ASAP2: variants seen among roughly 807,000 people sequenced by gnomAD.
ASAP2 encodes arf-GAP with SH3 domain, ANK repeat and PH domain-containing protein 2.
Under a neutral mutation model 131.4 loss-of-function variants are expected in ASAP2, and 45 were observed. The observed-to-expected ratio is 0.34, with a 90% CI of 0.27 to 0.44. ASAP2 has a LOEUF of 0.44. Among genes scored for constraint, ASAP2 ranks in the 20% least tolerant of loss-of-function variants. The pLI is 1.00. For missense variants in ASAP2, 1,011 were observed against 1,297.0 expected (o/e 0.78, Z 3.39); for synonymous variants, 510 against 503.0 (o/e 1.01, Z -0.19).
At chr2:9,234,803 C>G (rs1232293120) in intron 1 of ASAP2, among the ~76,000 whole-genome samples, 3 of 152,172 alleles carry the variant, frequency 2.0e-5, no homozygotes, top group Non-Finnish European at 4.4e-5. Context: ...AGCCCACTTC[C>G]GGCCTTGCGA....
chr2:9,303,065 A>G (rs780337188), intron 3 of ASAP2, among the ~76,000 whole-genome samples: 1 of 152,226 alleles, frequency 6.6e-6, no homozygotes, highest in Non-Finnish European at 1.5e-5. Context: ...CCTCACCCTC[A>G]GTACTTCCAT....
chr2:9,345,901 T>TG (rs1671933259), intron 11 of ASAP2, among the ~76,000 whole-genome samples: 1 of 151,968 alleles, frequency 6.6e-6, no homozygotes, highest in African/African-American at 2.4e-5. Flanking sequence ...TGTGTTCCTC[T>TG]GGGGGTGCCT....
At chr2:9,348,211 G>A (rs992514202) in intron 11 of ASAP2, among the ~76,000 whole-genome samples, 1 of 152,128 alleles carries the variant, frequency 6.6e-6, no homozygotes, top group East Asian at 1.9e-4. Context: ...CTGCCTCCTG[G>A]GTTCAAGCAG....
chr2:9,312,533 C>G (rs1468794257), intron 3 of ASAP2, among the ~76,000 whole-genome samples: 1 of 152,202 alleles, frequency 6.6e-6, no homozygotes, highest in African/African-American at 2.4e-5. Flanking sequence ...AGAGATTTCC[C>G]TGGTATCCAG....
At chr2:9,257,540 A>G (rs1244378785) in intron 1 of ASAP2, among the ~76,000 whole-genome samples, 1 of 152,180 alleles carries the variant, frequency 6.6e-6, no homozygotes, top group Non-Finnish European at 1.5e-5. Context: ...TGTTTTTGAG[A>G]CAAGGTTTCT....
At chr2:9,393,768 C>A (rs1227560065) in intron 24 of ASAP2, 121 bp downstream of exon 24, 1 of 1,087,088 alleles carries the variant, frequency 9.2e-7, no homozygotes, top group Non-Finnish European at 1.3e-6. Context: ...CGCCACATAA[C>A]TAATTCATCG....
At chr2:9,391,285 C>G in intron 23 of ASAP2, 89 bp downstream of exon 23, 9 of 1,509,896 alleles carry the variant, frequency 6.0e-6, no homozygotes, top group Non-Finnish European at 8.0e-6. Context: ...CAGCTGCCAG[C>G]ACAGACACGT....
At chr2:9,361,153 C>T (rs771493588) in intron 15 of ASAP2, among the ~76,000 whole-genome samples, 4 of 152,252 alleles carry the variant, frequency 2.6e-5, no homozygotes, top group Non-Finnish European at 5.9e-5. Context: ...AATGAGAAAT[C>T]AGCCAGTGCC....
chr2:9,314,014 C>T (rs952362689), intron 3 of ASAP2, among the ~76,000 whole-genome samples: 4 of 152,198 alleles, frequency 2.6e-5, no homozygotes, highest in South Asian at 2.1e-4. Context: ...ACAAAAGTCT[C>T]GCTCTGTTAC....
chr2:9,234,877 T>C (rs1288595238), intron 1 of ASAP2, among the ~76,000 whole-genome samples: 4 of 152,152 alleles, frequency 2.6e-5, no homozygotes, highest in African/African-American at 9.7e-5. Flanking sequence ...CTCCCACACC[T>C]TCCTTCCAGT....
At position 9,217,573 on chromosome 2, in the gene ASAP2, T is replaced by A. The variant is rs373850518; in HGVS notation, c.126+10343T>A. Among the ~76,000 whole-genome samples, 15 of 152,300 alleles carry A rather than the reference T, an allele frequency of 9.8e-5. No homozygotes were observed. The highest frequency in any genetic ancestry group is 3.4e-4 in the African/African-American group (14 of 41,552). On this transcript the variant is annotated intron_variant, in intron 1 of 27. Coordinates refer to ENST00000281419, the MANE Select transcript of ASAP2 (RefSeq NM_003887.3). The surrounding 1 kb of genome is among the most constrained non-coding windows in gnomAD (Gnocchi z 4.0). ...GATTGTCGGGACCTCTTTCCCCAGC[T>A]TCTCAGAAGAAATCATGTTCTTCTT...
chr2:9,279,337 G>A lies in ASAP2; in HGVS notation c.147G>A (p.Met49Ile), dbSNP rs1479847145. Residue 49 changes from methionine to isoleucine, a missense_variant, in exon 2 of 28, where the codon ATG becomes ATA. This residue lies in a region of ASAP2 where 359 missense variants were observed against 598.1 expected (regional missense o/e 0.60). Coordinates refer to ENST00000281419, the MANE Select transcript of ASAP2 (RefSeq NM_003887.3). ...TTTAGGCTTTGGACGTGGACCGGAT[G>A]GTTCTTTACAAAATGAAGAAATCCG... Reference protein sequence around the residue: ...AIEEALDVDRMVLYKMKKSVK... With the variant: ...AIEEALDVDRIVLYKMKKSVK... 2 of 1,614,126 alleles carry A rather than the reference G, an allele frequency of 1.2e-6. No individual in the cohort carries two copies. The highest frequency in any genetic ancestry group is 1.1e-5 in the South Asian group (1 of 91,076).
intron 2 of ASAP2, among the ~76,000 whole-genome samples, chr2:9,293,468 A>G (rs555949706): frequency 2.0e-5 from 3 of 152,318 alleles, no homozygotes; most frequent in Non-Finnish European, 4.4e-5. Context: ...AGCTTTCACA[A>G]TTCTGTAAAT....
Position 9,350,917 on chromosome 2 carries a change from C to G in ASAP2, c.1111+22C>G, listed in dbSNP as rs753021956. 5 of 1,572,306 alleles carry G rather than the reference C, an allele frequency of 3.2e-6. No homozygotes were observed. The East Asian group carries it at 9.0e-5, about 28-fold the overall frequency. On this transcript the variant is annotated intron_variant, in intron 12 of 27. Coordinates refer to ENST00000281419, the MANE Select transcript of ASAP2 (RefSeq NM_003887.3). Reference sequence around the variant, plus strand: ...TCACGTAAGGCTCCCTCTGAGATGCCGCGCCATAGAGACGTTGTCTTATGC... The same window carrying G: ...TCACGTAAGGCTCCCTCTGAGATGCGGCGCCATAGAGACGTTGTCTTATGC...
intron 19 of ASAP2, among the ~76,000 whole-genome samples, chr2:9,379,365 T>C (rs1296829552): frequency 6.6e-6 from 1 of 152,210 alleles, no homozygotes; most frequent in Non-Finnish European, 1.5e-5. Context: ...TGGGGAATTT[T>C]GACCTGTTCA....
chr2:9,326,568 GC>G (rs1380794155), intron 6 of ASAP2, among the ~76,000 whole-genome samples: 1 of 151,894 alleles, frequency 6.6e-6, no homozygotes, highest in African/African-American at 2.4e-5. Flanking sequence ...ATTAAAAATC[GC>G]CCCCAAATTT....
intron 18 of ASAP2, 32 bp from the exon 19 acceptor site, chr2:9,378,912 T>A (rs1327690024): frequency 1.5e-5 from 21 of 1,388,664 alleles, no homozygotes; most frequent in Non-Finnish European, 2.0e-5. Flanking sequence ...TGTGACACAC[T>A]ATGCTCTCTC....
Position 9,207,144 on chromosome 2 carries a change from A to G in ASAP2, c.40A>G (p.Thr14Ala). Residue 14 changes from threonine (T) to alanine (A), a missense_variant, in exon 1 of 28, where the codon ACC (threonine) becomes GCC (alanine). Thr to Ala is a moderately conservative substitution (Grantham distance 58). Transcript: ENST00000281419. This position sits in a 1 kb window ranked among gnomAD's most constrained non-coding sequence, Gnocchi z 4.1. ...QISVSEFVAE[T>A]HEDYKAPTAS... ...CTCCGTGTCGGAATTCGTGGCCGAG[A>G]CCCATGAGGACTACAAGGCGCCCAC... The G allele has an allele frequency of 6.2e-7, 1 of 1,601,232 alleles. No homozygotes were observed. The highest frequency in any genetic ancestry group is 8.5e-7 in the Non-Finnish European group (1 of 1,174,744).
intron 19 of ASAP2, 136 bp from the exon 20 acceptor site, chr2:9,380,605 A>C (rs79380613): frequency 2.4e-6 from 2 of 830,190 alleles, no homozygotes; most frequent in East Asian, 4.8e-5. Context: ...GACTAGGTCA[A>C]ACTCACTGTG....
Sources: gnomAD v4.1 joint callset for allele counts (sites outside exome capture counted in the v4.1 genomes callset) on GRCh38, gnomAD v4.1.1 for gene constraint, gnomAD v4.1.1 regional missense constraint, Gnocchi (gnomAD v3.1) non-coding constraint, MANE v1.5 for transcripts, NCBI Gene and HGNC (gene_info 2026-07-23, HGNC 2026-07-21) for gene names.